Variants in ATP11A observed in about 807,000 individuals in gnomAD.
ATP11A encodes the protein ATPase phospholipid transporting 11A.
A neutral mutation model predicts 154.4 loss-of-function variants in ATP11A; 81 were observed. The ratio of observed to expected loss-of-function variants is 0.52; its 90% CI spans 0.44 to 0.63. The LOEUF (loss-of-function observed/expected upper bound fraction) is 0.63. Ranked by LOEUF, ATP11A falls within the 30% of genes least tolerant of loss-of-function variation. ATP11A has a pLI of 0.00. For synonymous variants in ATP11A, 623 were observed against 585.9 expected (o/e 1.06, Z -0.91); for missense variants, 1,316 against 1,474.3 (o/e 0.89, Z 1.76).
In ATP11A at chr13:112,748,282, A is replaced by G. The variant is rs557430693; in HGVS notation, c.40-36853A>G. On this transcript the variant is annotated intron_variant, in intron 1 of 29. Transcript: ENST00000375645. Reference sequence around the variant, plus strand: ...GCATTTGTGGGACTCTCAAACTAAGATGGGTCTTCATTACCTTCTAACTTT... The same window carrying G: ...GCATTTGTGGGACTCTCAAACTAAGGTGGGTCTTCATTACCTTCTAACTTT... Among the ~76,000 whole-genome samples the G allele has an allele frequency of 1.0e-3, 159 of 152,326 alleles. 3 individuals carry two copies. The South Asian group carries it at 0.032, about 31-fold the overall frequency.
At chr13:112,776,988 A>G (rs1281294849) in intron 1 of ATP11A, among the ~76,000 whole-genome samples, 2 of 152,140 alleles carry the variant, frequency 1.3e-5, no homozygotes, top group Non-Finnish European at 2.9e-5. Context: ...GTCGCATCGT[A>G]GATCTTCTGA....
At chr13:112,761,249 C>T (rs938009047) in intron 1 of ATP11A, among the ~76,000 whole-genome samples, 2 of 152,184 alleles carry the variant, frequency 1.3e-5, no homozygotes, top group South Asian at 4.1e-4. Flanking sequence ...GCGGGTACAC[C>T]TAAGAGAAGC....
intron 16 of ATP11A, among the ~76,000 whole-genome samples, chr13:112,839,750 GT>G (rs2079342227): frequency 6.6e-6 from 1 of 152,268 alleles, no homozygotes; most frequent in African/African-American, 2.4e-5. Context: ...GGTGTCCTGT[GT>G]CTTACAGTGG....
At chr13:112,706,186 A>AT (rs894028891) in intron 1 of ATP11A, among the ~76,000 whole-genome samples, 21 of 152,288 alleles carry the variant, frequency 1.4e-4, no homozygotes, top group Middle Eastern at 3.4e-3. Flanking sequence ...AGATAGGAGG[A>AT]TTTTTTTCTT....
chr13:112,804,877 G>A (rs2078279411), intron 2 of ATP11A, 80 bp from the exon 3 acceptor site: 3 of 778,974 alleles, frequency 3.9e-6, no homozygotes, highest in African/African-American at 3.5e-5. Context: ...AAAATCCAGT[G>A]CTACTTACTA....
At chr13:112,871,046 C>T (rs962251430) in intron 25 of ATP11A, among the ~76,000 whole-genome samples, 1 of 152,240 alleles carries the variant, frequency 6.6e-6, no homozygotes, top group Non-Finnish European at 1.5e-5. Context: ...CGCGGGGCAG[C>T]CTCTGTCCAG....
At chr13:112,778,717 TGAGTAGCCGCTGGAGTGAG>T (rs2077412374) in intron 1 of ATP11A, among the ~76,000 whole-genome samples, 1 of 107,654 alleles carries the variant, frequency 9.3e-6, no homozygotes, top group Non-Finnish European at 1.8e-5. Flanking sequence ...GCCGCTGGAG[TGAGTAGCCGCTGGAGTGAG>T]GAGTAGCCAC....
In ATP11A at chr13:112,883,376, G is replaced by A. The variant is rs1347472840; in HGVS notation, c.*1510G>A. The stretch of plus-strand genomic sequence containing the variant: ...GTGTGAGATTCAGACTTCAGACGCT[G>A]AAACTGCTGCCTTTCAGGAAAGCAC... On this transcript the variant is annotated 3_prime_UTR_variant, in exon 30 of 30. Coordinates refer to ENST00000375645, the MANE Select transcript of ATP11A (RefSeq NM_015205.3). 1 of 394,598 alleles carries A rather than the reference G, an allele frequency of 2.5e-6. No individual in the cohort carries two copies. The highest frequency in any genetic ancestry group is 4.5e-6 in the Non-Finnish European group (1 of 224,172). 24.4% of individuals were successfully genotyped at this position (394,598 alleles called of 1,614,324 possible).
chr13:112,826,975 TC>T, intron 12 of ATP11A, 84 bp downstream of exon 12: 1 of 1,426,768 alleles, frequency 7.0e-7, no homozygotes, highest in South Asian at 1.2e-5. Context: ...GTGCCTGTCA[TC>T]CGAGCGTGGC....
Position 112,875,690 on chromosome 13 carries a change from C to T in ATP11A, c.3162-86C>T. 1 of 1,464,648 alleles carries T rather than the reference C, an allele frequency of 6.8e-7. No individual in the cohort carries two copies. Among genetic ancestry groups the T allele is most frequent in the Non-Finnish European group, 9.3e-7 (1 of 1,076,168 alleles). 90.7% of individuals were successfully genotyped at this position (1,464,648 alleles called of 1,614,324 possible). ...TCTCACTGACAAAAGTGTAAACTCC[C>T]TGAACAGACGGCCTCTCCAGTGAGT... On this transcript the variant is annotated intron_variant, in intron 27 of 29. Coordinates refer to ENST00000375645, the MANE Select transcript of ATP11A (RefSeq NM_015205.3). This position sits in a 1 kb window ranked among gnomAD's most constrained non-coding sequence, Gnocchi z 4.1.
Position 112,863,966 on chromosome 13 carries a change from G to C in ATP11A, c.2991+1391G>C, listed in dbSNP as rs1426952524. Reference sequence around the variant, plus strand: ...ACCACCTGCGCAGTAATTCAGTGCGGCCCATGCAGCTTCCCAGCGGGGTCC... The same window carrying C: ...ACCACCTGCGCAGTAATTCAGTGCGCCCCATGCAGCTTCCCAGCGGGGTCC... On this transcript the variant is annotated intron_variant, in intron 25 of 29. Coordinates refer to ENST00000375645, the MANE Select transcript of ATP11A (RefSeq NM_015205.3). Among the ~76,000 whole-genome samples, 11 of 84,322 alleles carry C rather than the reference G, an allele frequency of 1.3e-4. 2 individuals carry two copies. In the East Asian group the frequency reaches 3.8e-3, roughly 29 times the overall value. The allele number at this position is 84,322 out of a possible 152,430, so 55.3% of individuals were successfully genotyped here. A position where few individuals can be genotyped will look rare whatever the true frequency, so the allele number is the denominator to read the frequency against.
chr13:112,724,723 G>T (rs1889622953), intron 1 of ATP11A, among the ~76,000 whole-genome samples: 2 of 152,040 alleles, frequency 1.3e-5, no homozygotes, highest in African/African-American at 4.8e-5. Context: ...GGCCCATCTT[G>T]AGTCTCCTCA....
At chr13:112,775,272 C>T (rs368577649) in intron 1 of ATP11A, among the ~76,000 whole-genome samples, 13 of 152,332 alleles carry the variant, frequency 8.5e-5, no homozygotes, top group East Asian at 5.8e-4. Flanking sequence ...GTGAAGATGC[C>T]GAAAACAGCG....
chr13:112,764,473 G>A (rs1178519842), intron 1 of ATP11A, among the ~76,000 whole-genome samples: 1 of 152,232 alleles, frequency 6.6e-6, no homozygotes, highest in East Asian at 1.9e-4. Context: ...AAGACCTCCT[G>A]ATGATGAGCA....
chr13:112,883,230 G>A lies in ATP11A; in HGVS notation c.*1364G>A, dbSNP rs2080924752. ...TTAGGATCTGTCCAGCGCTGCTCTGGGTGGGTTAGCAACCCCAGGGCTGCT... is the reference window on the plus strand; with the variant it reads ...TTAGGATCTGTCCAGCGCTGCTCTGAGTGGGTTAGCAACCCCAGGGCTGCT... On this transcript the variant is annotated 3_prime_UTR_variant, in exon 30 of 30. Transcript: ENST00000375645. 4 of 398,570 alleles carry A rather than the reference G, an allele frequency of 1.0e-5. No individual in the cohort carries two copies. In the South Asian group the frequency reaches 3.8e-4, roughly 38 times the overall value. The allele number at this position is 398,570 out of a possible 1,614,324, so 24.7% of individuals were successfully genotyped here. A position where few individuals can be genotyped will look rare whatever the true frequency, so the allele number is the denominator to read the frequency against.
chr13:112,859,029 C>G lies in ATP11A; in HGVS notation c.2668-364C>G, dbSNP rs183130832. On this transcript the variant is annotated intron_variant, in intron 22 of 29. Coordinates refer to ENST00000375645, the MANE Select transcript of ATP11A (RefSeq NM_015205.3). The surrounding 1 kb of genome is among the most constrained non-coding windows in gnomAD (Gnocchi z 4.3). Reference sequence around the variant, plus strand: ...GAGACCCCCAGCCCTTTTCTCCCCCCACAGAATTGAGTGTGGAACCAGTGA... The same window carrying G: ...GAGACCCCCAGCCCTTTTCTCCCCCGACAGAATTGAGTGTGGAACCAGTGA... The G allele has an allele frequency of 1.4e-5, 4 of 285,044 alleles. No homozygotes were observed. The highest frequency in any genetic ancestry group is 1.2e-3 in the Middle Eastern group (1 of 810). 17.7% of individuals were successfully genotyped at this position (285,044 alleles called of 1,614,324 possible). A position where few individuals can be genotyped will look rare whatever the true frequency, so the allele number is the denominator to read the frequency against.
chr13:112,803,850 TC>T (rs1344198006), intron 2 of ATP11A, among the ~76,000 whole-genome samples: 1 of 78,810 alleles, frequency 1.3e-5, no homozygotes, highest in Non-Finnish European at 2.6e-5. Flanking sequence ...TTCCTCTCCT[TC>T]CCCTCCTTTT....
At chr13:112,816,026 G>A (rs1038368113) in intron 5 of ATP11A, 57 bp from the exon 6 acceptor site, 11 of 1,608,308 alleles carry the variant, frequency 6.8e-6, no homozygotes, top group East Asian at 2.2e-5. Context: ...CCCACAGGAC[G>A]GGCAAGCTTT....
At chr13:112,878,555 C>T (rs1463231163) in intron 29 of ATP11A, 2 of 567,466 alleles carry the variant, frequency 3.5e-6, no homozygotes, top group Non-Finnish European at 6.3e-6. Flanking sequence ...CAGAACCCAC[C>T]TGTGTGAGGG....
Sources: gnomAD v4.1 joint callset for allele counts (sites outside exome capture counted in the v4.1 genomes callset) on GRCh38, gnomAD v4.1.1 for gene constraint, Gnocchi (gnomAD v3.1) non-coding constraint, MANE v1.5 for transcripts, NCBI Gene and HGNC (gene_info 2026-07-23, HGNC 2026-07-21) for gene names.